DISC1: variants seen among roughly 807,000 people sequenced by gnomAD.
The protein encoded by DISC1 is DISC1 scaffold protein, also known as disrupted in schizophrenia 1 protein.
DISC1 carries 57 observed loss-of-function variants against 84.5 expected under a neutral mutation model. The observed-to-expected ratio is 0.67, with a 90% confidence interval of 0.55 to 0.84. The LOEUF is 0.84. Among genes scored for constraint, DISC1 ranks in the 40% least tolerant of loss-of-function variants. The pLI, the probability that DISC1 is intolerant of heterozygous loss-of-function variation, is 0.00. For missense variants in DISC1, 1,000 were observed against 1,057.8 expected (o/e 0.95, Z 0.76); for synonymous variants, 411 against 415.2 (o/e 0.99, Z 0.12).
intron 11 of DISC1, among the ~76,000 whole-genome samples, chr1:232,010,942 G>A (rs1157786511): frequency 6.6e-6 from 1 of 152,154 alleles, no homozygotes; most frequent in Non-Finnish European, 1.5e-5. Context: ...ATTATTTATG[G>A]CCTGCTTCAG....
chr1:231,949,663 A>G (rs201484784), intron 9 of DISC1, among the ~76,000 whole-genome samples: 3 of 152,148 alleles, frequency 2.0e-5, no homozygotes, highest in Non-Finnish European at 4.4e-5. Context: ...ATCCTTGGCC[A>G]CTGAGCACAA....
chr1:232,036,709 C>G lies in DISC1; in HGVS notation c.2443C>G (p.Leu815Val). The G allele has an allele frequency of 6.2e-7, 1 of 1,601,296 alleles. No individual in the cohort carries two copies. Among genetic ancestry groups the G allele is most frequent in the Non-Finnish European group, 8.5e-7 (1 of 1,170,128 alleles). ...EDLIQSLRRE[L>V]QMVKETLQAM... ...GTGCCCACAGTCTCTCAGGAGGGAGCTCCAGATGGTGAAGGAAACTCTGCA... is the reference window on the plus strand; with the variant it reads ...GTGCCCACAGTCTCTCAGGAGGGAGGTCCAGATGGTGAAGGAAACTCTGCA... Residue 815 changes from leucine (L) to valine (V), a missense_variant, in exon 13 of 13, where the codon CTC (leucine) becomes GTC (valine). By Grantham distance (32) the Leu-to-Val change is conservative. Transcript: ENST00000439617.
rs767131548 is a variant in DISC1, at chr1:232,026,481, T to C, written c.2354T>C (p.Ile785Thr). 6.2e-7 allele frequency: 1 copy of C among 1,608,844 alleles called. No individual in the cohort carries two copies. The highest frequency in any genetic ancestry group is 2.2e-5 in the East Asian group (1 of 44,806). ...SAELGEKCED[I>T]GKKLLYLEDQ... ...GAACTTGGAGAAAAGTGTGAAGACATAGGCAAGAAGCTATTGTACTTGGAA... is the reference window on the plus strand; with the variant it reads ...GAACTTGGAGAAAAGTGTGAAGACACAGGCAAGAAGCTATTGTACTTGGAA... The change falls in exon 12 of 13, where the codon ATA (isoleucine) becomes ACA (threonine). Residue 785 changes from isoleucine to threonine, a missense_variant. Transcript: ENST00000439617.
chr1:231,772,004 G>T (rs1185733040), intron 6 of DISC1, among the ~76,000 whole-genome samples: 2 of 150,778 alleles, frequency 1.3e-5, no homozygotes, highest in African/African-American at 4.9e-5. Context: ...TGCAGAAATG[G>T]TGTCTCTCTA....
At chr1:231,999,185 G>T (rs1396658667) in intron 10 of DISC1, among the ~76,000 whole-genome samples, 1 of 152,082 alleles carries the variant, frequency 6.6e-6, no homozygotes, top group Non-Finnish European at 1.5e-5. Flanking sequence ...AAAAAGGCAT[G>T]GACCATTTCT....
Position 232,009,471 on chromosome 1 carries a change from ATC to A in DISC1, c.2307+424_2307+425del. 1.6e-6 allele frequency: 1 copy of A among 616,756 alleles called. No homozygotes were observed. The highest frequency in any genetic ancestry group is 2.0e-6 in the Non-Finnish European group (1 of 495,450). The allele number at this position is 616,756 out of a possible 1,614,324, so 38.2% of individuals were successfully genotyped here. On this transcript the variant is annotated intron_variant, in intron 11 of 12. Transcript: ENST00000439617. The surrounding 1 kb of genome is among the most constrained non-coding windows in gnomAD (Gnocchi z 4.6). The stretch of plus-strand genomic sequence containing the variant: ...CATATATGATGTTTATATATTTAGA[ATC>A]TATATATTACAATATATTATTATTT...
At chr1:232,000,166 C>T (rs1028648442) in intron 10 of DISC1, among the ~76,000 whole-genome samples, 3 of 151,938 alleles carry the variant, frequency 2.0e-5, no homozygotes, top group Admixed American at 2.0e-4. Flanking sequence ...AATTATGTGA[C>T]AAGAATTGTG....
intron 10 of DISC1, chr1:231,959,374 GA>G: frequency 1.0e-6 from 1 of 985,816 alleles, no homozygotes; most frequent in Non-Finnish European, 1.2e-6. Context: ...TCATCTTTGA[GA>G]AATGTCAGGG....
chr1:231,917,226 A>C (rs568342160), intron 9 of DISC1, among the ~76,000 whole-genome samples: 1 of 152,320 alleles, frequency 6.6e-6, no homozygotes, highest in African/African-American at 2.4e-5. Context: ...CTTGCTGAAC[A>C]ATCCTCCTAC....
At chr1:231,633,745 A>C (rs2058942849) in intron 1 of DISC1, among the ~76,000 whole-genome samples, 1 of 152,206 alleles carries the variant, frequency 6.6e-6, no homozygotes, top group Non-Finnish European at 1.5e-5. Flanking sequence ...CCTTGCATGG[A>C]GACTAATCGC....
rs762129889 is a variant in DISC1, at chr1:231,779,549, GTTTTTTTTTTT to G, written c.1634+8498_1634+8508del. Reference sequence around the variant, plus strand: ...ATGTATACTTGGTCAACCTATTCTTGTTTTTTTTTTTTTTTTTTTTTTTTTTTTTAAGATGG... The same window carrying G: ...ATGTATACTTGGTCAACCTATTCTTGTTTTTTTTTTTTTTTTTTAAGATGG... On this transcript the variant is annotated intron_variant, in intron 6 of 12. Coordinates refer to ENST00000439617, the MANE Select transcript of DISC1 (RefSeq NM_018662.3). 9.3e-5 allele frequency among the ~76,000 whole-genome samples: 5 copies of G among 53,582 alleles called. No individual in the cohort carries two copies. The East Asian group carries it at 2.2e-3, about 23-fold the overall frequency. The allele number at this position is 53,582 out of a possible 152,430, so 35.2% of individuals were successfully genotyped here. A position where few individuals can be genotyped will look rare whatever the true frequency, so the allele number is the denominator to read the frequency against.
intron 9 of DISC1, among the ~76,000 whole-genome samples, chr1:231,834,119 T>C (rs529144183): frequency 2.0e-5 from 3 of 152,268 alleles, no homozygotes; most frequent in Non-Finnish European, 2.9e-5. Context: ...ACTATGCCTT[T>C]AGCTCCAGCC....
intron 9 of DISC1, among the ~76,000 whole-genome samples, chr1:231,825,413 T>G (rs1176680163): frequency 1.3e-5 from 2 of 152,226 alleles, no homozygotes; most frequent in Non-Finnish European, 2.9e-5. Flanking sequence ...TACTAATCAG[T>G]GCGTATTAGA....
chr1:232,008,676 CAAGTAT>C (rs1401643038), intron 10 of DISC1, 103 bp from the exon 11 acceptor site: 2 of 1,295,812 alleles, frequency 1.5e-6, no homozygotes, highest in Non-Finnish European at 2.1e-6. Flanking sequence ...ATTAAGTCAT[CAAGTAT>C]AAGATGACCA....
intron 11 of DISC1, among the ~76,000 whole-genome samples, chr1:232,025,655 GGT>G: frequency 6.7e-6 from 1 of 150,158 alleles, no homozygotes; most frequent in Non-Finnish European, 1.5e-5. Context: ...GGAGTGCAGT[GGT>G]GCAATCTCGG....
intron 10 of DISC1, among the ~76,000 whole-genome samples, chr1:232,006,492 G>A (rs1471216228): frequency 6.6e-6 from 1 of 152,110 alleles, no homozygotes; most frequent in Non-Finnish European, 1.5e-5. Flanking sequence ...GAGATCTCGG[G>A]AACTTTGAAC....
intron 1 of DISC1, among the ~76,000 whole-genome samples, chr1:231,692,042 A>G (rs1047940588): frequency 6.6e-6 from 1 of 152,238 alleles, no homozygotes; most frequent in African/African-American, 2.4e-5. Context: ...CTTGTAGGCA[A>G]AGGGAATTGA....
chr1:231,832,019 T>C (rs79199007), intron 9 of DISC1, among the ~76,000 whole-genome samples: 44,166 of 148,474 alleles, frequency 0.3, 6,885 homozygotes, highest in Admixed American at 0.35. Context: ...ATGGGGTGAA[T>C]GTTAGGTGGA....
intron 9 of DISC1, among the ~76,000 whole-genome samples, chr1:231,835,423 C>T (rs1047274649): frequency 9.2e-5 from 14 of 151,874 alleles, no homozygotes; most frequent in Non-Finnish European, 1.6e-4. Flanking sequence ...TGTTCTTTGG[C>T]GGGCAGGAGT....
Sources: allele counts gnomAD v4.1 joint callset (sites outside exome capture counted in the v4.1 genomes callset), GRCh38; gene constraint gnomAD v4.1.1; non-coding constraint Gnocchi (gnomAD v3.1); transcripts MANE v1.5; gene names NCBI Gene and HGNC (gene_info 2026-07-23, HGNC 2026-07-21).